Variants in DOCK9 observed in about 807,000 individuals in gnomAD.
DOCK9 encodes dedicator of cytokinesis 9, also known as dedicator of cytokinesis protein 9.
A neutral mutation model predicts 263.3 loss-of-function variants in DOCK9; 89 were observed. The ratio of observed to expected loss-of-function variants is 0.34; its 90% CI spans 0.28 to 0.40. The LOEUF is 0.40. DOCK9 is among the 10% of genes least tolerant of loss of function. DOCK9 has a pLI of 1.00. For synonymous variants in DOCK9, 976 were observed against 973.1 expected, an observed-to-expected ratio of 1.00 and a Z score of -0.06; for missense variants, 2,140 against 2,603.4, an observed-to-expected ratio of 0.82 and a Z score of 3.87.
chr13:98,851,453 ACCACCCTGCAGACCCCTGTGG>A (rs2093567200), intron 35 of DOCK9, among the ~76,000 whole-genome samples: 1 of 152,068 alleles, frequency 6.6e-6, no homozygotes, highest in African/African-American at 2.4e-5. Flanking sequence ...GCCTGGTGGG[ACCACCCTGCAGACCCCTGTGG>A]CCACCCTCAG....
At chr13:98,850,263 G>A in intron 35 of DOCK9, 150 bp from the exon 36 acceptor site, 1 of 543,674 alleles carries the variant, frequency 1.8e-6, no homozygotes, top group East Asian at 3.4e-5. Context: ...CTCTTTTATA[G>A]CTGACCACTC....
intron 25 of DOCK9, 22 bp downstream of exon 25, chr13:98,881,536 C>G (rs1231197825): frequency 5.7e-6 from 9 of 1,578,474 alleles, no homozygotes; most frequent in Non-Finnish European, 7.8e-6. Flanking sequence ...TGTAAGTGAT[C>G]AGAACAGTGT....
At chr13:99,017,744 TA>T (rs202029815) in intron 1 of DOCK9, among the ~76,000 whole-genome samples, 3 of 152,230 alleles carry the variant, frequency 2.0e-5, no homozygotes, top group South Asian at 4.1e-4. Flanking sequence ...TGATGAGCTT[TA>T]AAAAAAATCA....
Position 98,914,459 on chromosome 13 carries a change from G to A in DOCK9, c.893-64C>T, listed in dbSNP as rs2050566939. On this transcript the variant is annotated intron_variant, in intron 8 of 52. Coordinates refer to ENST00000682017, the MANE Select transcript of DOCK9 (RefSeq NM_001366683.2). ...TCATAGCATTTCATTTGAAACAGGA[G>A]GAGGAAGGCCGTTTCTCTTAGGTGC... 4 of 1,454,484 alleles carry A rather than the reference G, an allele frequency of 2.8e-6. No homozygotes were observed. The South Asian group carries it at 4.9e-5, about 18-fold the overall frequency. 90.1% of individuals were successfully genotyped at this position (1,454,484 alleles called of 1,614,324 possible).
At chr13:98,974,641 G>A (rs568407176) in intron 1 of DOCK9, among the ~76,000 whole-genome samples, 3 of 149,830 alleles carry the variant, frequency 2.0e-5, no homozygotes, top group South Asian at 2.1e-4. Flanking sequence ...TTACAGCTAC[G>A]CAGGAGGCTG....
intron 1 of DOCK9, among the ~76,000 whole-genome samples, chr13:99,005,402 A>G (rs777260237): frequency 6.6e-6 from 1 of 152,192 alleles, no homozygotes; most frequent in Non-Finnish European, 1.5e-5. Context: ...CTGAATTGCA[A>G]TTAAACTGAC....
At chr13:99,011,883 G>A (rs939618341) in intron 1 of DOCK9, among the ~76,000 whole-genome samples, 1 of 152,188 alleles carries the variant, frequency 6.6e-6, no homozygotes, top group Admixed American at 6.5e-5. Context: ...GTGCAGTGGT[G>A]CAATCACAGC....
intron 1 of DOCK9, among the ~76,000 whole-genome samples, chr13:98,984,186 T>C (rs538285752): frequency 6.6e-6 from 1 of 152,298 alleles, no homozygotes; most frequent in South Asian, 2.1e-4. Flanking sequence ...AGTGAGGAGC[T>C]AGAGAGCCAA....
intron 41 of DOCK9, among the ~76,000 whole-genome samples, chr13:98,830,087 GATTT>G (rs2092700548): frequency 6.6e-6 from 1 of 152,190 alleles, no homozygotes; most frequent in African/African-American, 2.4e-5. Context: ...AGGGAGACAT[GATTT>G]ATTTCTCAGT....
intron 30 of DOCK9, among the ~76,000 whole-genome samples, chr13:98,866,444 G>C (rs1373828878): frequency 6.6e-6 from 1 of 152,130 alleles, no homozygotes; most frequent in African/African-American, 2.4e-5. Flanking sequence ...TGTTTCTCTC[G>C]GAATTCAGAA....
At chr13:99,059,912 T>C (rs1376273582) in intron 1 of DOCK9, among the ~76,000 whole-genome samples, 1 of 152,120 alleles carries the variant, frequency 6.6e-6, no homozygotes, top group Non-Finnish European at 1.5e-5. Context: ...ATATGTGGCC[T>C]TTTACGTCTG....
chr13:98,882,230 G>C (rs908311473), intron 23 of DOCK9, among the ~76,000 whole-genome samples: 72 of 152,006 alleles, frequency 4.7e-4, no homozygotes, highest in African/African-American at 1.7e-3. Context: ...CCTTATGATA[G>C]GGATTATCCA....
chr13:98,982,575 T>A (rs1877464144), upstream of DOCK9, among the ~76,000 whole-genome samples: 1 of 152,216 alleles, frequency 6.6e-6, no homozygotes, highest in African/African-American at 2.4e-5. Context: ...GGACTGTATC[T>A]TAACCACCTT....
chr13:98,915,754 T>A (rs553143482), intron 7 of DOCK9, among the ~76,000 whole-genome samples: 117 of 152,010 alleles, frequency 7.7e-4, no homozygotes, highest in Non-Finnish European at 1.4e-3. Context: ...TCTGATTCAC[T>A]GTGTGTCCCT....
intron 9 of DOCK9, among the ~76,000 whole-genome samples, chr13:98,911,707 C>A (rs1386541907): frequency 1.3e-5 from 2 of 151,394 alleles, no homozygotes; most frequent in Non-Finnish European, 2.9e-5. Context: ...CCAGCCTCGC[C>A]AACATGGTAT....
intron 1 of DOCK9, among the ~76,000 whole-genome samples, chr13:99,011,009 T>C (rs1196257043): frequency 1.3e-5 from 2 of 152,186 alleles, no homozygotes; most frequent in African/African-American, 4.8e-5. Context: ...GTGACACTCC[T>C]GCCTCAGCCT....
intron 1 of DOCK9, among the ~76,000 whole-genome samples, chr13:99,026,554 T>C (rs772350154): frequency 5.9e-5 from 9 of 152,222 alleles, no homozygotes; most frequent in Non-Finnish European, 1.3e-4. Context: ...GGAAATCTTT[T>C]GTCTGGTCAA....
At chr13:98,996,908 G>A (rs980182341) in intron 1 of DOCK9, among the ~76,000 whole-genome samples, 1 of 152,156 alleles carries the variant, frequency 6.6e-6, no homozygotes, top group Non-Finnish European at 1.5e-5. Context: ...CCCCAAAAAT[G>A]CGGATCTTCT....
At chr13:99,051,275 G>A (rs1023347388) in intron 1 of DOCK9, among the ~76,000 whole-genome samples, 5 of 151,982 alleles carry the variant, frequency 3.3e-5, no homozygotes, top group Admixed American at 6.5e-5. Context: ...CCCCTTTCCC[G>A]CCAAAGCTCA....
Sources: gnomAD v4.1 joint callset for allele counts (sites outside exome capture counted in the v4.1 genomes callset) on GRCh38, gnomAD v4.1.1 for gene constraint, MANE v1.5 for transcripts, NCBI Gene and HGNC (gene_info 2026-07-23, HGNC 2026-07-21) for gene names.